SPMIP7: variants seen among roughly 807,000 people sequenced by gnomAD.
The protein encoded by SPMIP7 is sperm microtubule inner protein 7, also known as protein SPMIP7.
chr7:50,125,123 C>T, the SPMIP7 span, among the ~76,000 whole-genome samples: 56 of 54,582 alleles, frequency 1.0e-3, 3 homozygotes, highest in Non-Finnish European at 1.6e-3. Flanking sequence ...TATACACACA[C>T]ACACACACAC....
the SPMIP7 span, among the ~76,000 whole-genome samples, chr7:50,158,053 C>T: frequency 6.6e-6 from 1 of 152,210 alleles, no homozygotes; most frequent in African/African-American, 2.4e-5. Context: ...CCCTGTACAC[C>T]CGGCCTTGTT....
chr7:50,150,914 T>C, the SPMIP7 span, among the ~76,000 whole-genome samples: 1 of 152,232 alleles, frequency 6.6e-6, no homozygotes, highest in Admixed American at 6.5e-5. Flanking sequence ...AACAGACTGT[T>C]GTAGAATTAA....
chr7:50,125,934 C>T, the SPMIP7 span, among the ~76,000 whole-genome samples: 1 of 151,854 alleles, frequency 6.6e-6, no homozygotes, highest in Non-Finnish European at 1.5e-5. Context: ...GTATTTTTTA[C>T]TTGAAATGTG....
At chr7:50,153,781 G>A in the SPMIP7 span, among the ~76,000 whole-genome samples, 1 of 152,264 alleles carries the variant, frequency 6.6e-6, no homozygotes, top group East Asian at 1.9e-4. Context: ...ACGTAATTGA[G>A]GGCAGCAAGC....
chr7:50,109,413 G>T, the SPMIP7 span, among the ~76,000 whole-genome samples: 1 of 151,916 alleles, frequency 6.6e-6, no homozygotes, highest in African/African-American at 2.4e-5. Flanking sequence ...GTCTTGCTCT[G>T]TCACCCCAGC....
chr7:50,111,903 C>T, the SPMIP7 span, among the ~76,000 whole-genome samples: 2 of 151,952 alleles, frequency 1.3e-5, no homozygotes, highest in Non-Finnish European at 2.9e-5. Context: ...AAACAAAATA[C>T]AAGAATCAAA....
chr7:50,150,219 C>T, the SPMIP7 span, among the ~76,000 whole-genome samples: 1 of 152,138 alleles, frequency 6.6e-6, no homozygotes, highest in Non-Finnish European at 1.5e-5. Flanking sequence ...ACCATTCCTC[C>T]ACCACCCACA....
chr7:50,124,746 C>T, the SPMIP7 span, among the ~76,000 whole-genome samples: 6 of 151,960 alleles, frequency 3.9e-5, no homozygotes, highest in Non-Finnish European at 8.8e-5. Context: ...AAAAATTAGC[C>T]TTATTTGCTT....
chr7:50,152,555 A>G, the SPMIP7 span, among the ~76,000 whole-genome samples: 1 of 152,174 alleles, frequency 6.6e-6, no homozygotes, highest in Admixed American at 6.5e-5. Context: ...GCAGATGAAT[A>G]TGCTAGCACA....
the SPMIP7 span, among the ~76,000 whole-genome samples, chr7:50,122,322 T>C: frequency 6.6e-6 from 1 of 150,930 alleles, no homozygotes; most frequent in South Asian, 2.1e-4. Flanking sequence ...GGGAAAGGAT[T>C]CCCTATTTAA....
chr7:50,126,313 T>C, the SPMIP7 span, among the ~76,000 whole-genome samples: 1 of 151,836 alleles, frequency 6.6e-6, no homozygotes. Context: ...GAATAAAATC[T>C]TTAAAAATCA....
chr7:50,138,934 C>T, the SPMIP7 span, among the ~76,000 whole-genome samples: 1 of 151,940 alleles, frequency 6.6e-6, no homozygotes, highest in East Asian at 1.9e-4. Flanking sequence ...AAATGATGTG[C>T]AAGATTTTTG....
the SPMIP7 span, among the ~76,000 whole-genome samples, chr7:50,148,796 C>G: frequency 9.9e-5 from 15 of 152,188 alleles, no homozygotes; most frequent in Non-Finnish European, 2.2e-4. Context: ...GGAGAATCAT[C>G]TGGAGAGCTG....
chr7:50,096,720 T>A, the SPMIP7 span: 3 of 1,090,118 alleles, frequency 2.8e-6, no homozygotes, highest in Admixed American at 9.7e-5. Flanking sequence ...ATTTAGGCAG[T>A]TAAATTAACA....
At chr7:50,112,115 G>T in the SPMIP7 span, among the ~76,000 whole-genome samples, 1 of 151,842 alleles carries the variant, frequency 6.6e-6, no homozygotes, top group African/African-American at 2.4e-5. Context: ...ATAATTAAAT[G>T]GTGCAAAGGA....
At chr7:50,114,663 A>G in the SPMIP7 span, among the ~76,000 whole-genome samples, 4 of 152,072 alleles carry the variant, frequency 2.6e-5, no homozygotes, top group African/African-American at 9.7e-5. Context: ...ACAGATTTAA[A>G]CTAAATTATG....
At chr7:50,113,011 T>C in the SPMIP7 span, among the ~76,000 whole-genome samples, 1 of 151,748 alleles carries the variant, frequency 6.6e-6, no homozygotes, top group Non-Finnish European at 1.5e-5. Context: ...GGGCATAAGC[T>C]TTCCCTGAAA....
the SPMIP7 span, among the ~76,000 whole-genome samples, chr7:50,098,867 T>C: frequency 1.3e-5 from 2 of 152,052 alleles, no homozygotes. Context: ...ACCACAACCA[T>C]CTTTATAGTT....
the SPMIP7 span, among the ~76,000 whole-genome samples, chr7:50,133,262 A>G: frequency 5.3e-5 from 8 of 151,986 alleles, no homozygotes; most frequent in Non-Finnish European, 8.8e-5. Flanking sequence ...TGTGTTTAAA[A>G]TAATTGCATG....
Sources: gnomAD v4.1 joint callset for allele counts (sites outside exome capture counted in the v4.1 genomes callset) on GRCh38, gnomAD v4.1.1 for gene constraint, MANE v1.5 for transcripts, NCBI Gene and HGNC (gene_info 2026-07-23, HGNC 2026-07-21) for gene names.